CRYBG3: variants seen among roughly 807,000 people sequenced by gnomAD.
CRYBG3 encodes the protein very large A-kinase anchor protein.
CRYBG3 carries 127 observed loss-of-function variants against 244.2 expected under a neutral mutation model. The ratio of observed to expected loss-of-function variants is 0.52; its 90% CI spans 0.45 to 0.60. The LOEUF (loss-of-function observed/expected upper bound fraction) is 0.60. CRYBG3 is among the 20% of genes least tolerant of loss of function. The pLI, the probability that CRYBG3 is intolerant of heterozygous loss-of-function variation, is 0.00. For synonymous variants in CRYBG3, 1,132 were observed against 1,195.8 expected (o/e 0.95, Z 1.10); for missense variants, 3,325 against 3,442.5 (o/e 0.97, Z 0.85).
At chr3:97,878,083 G>A in intron 4 of CRYBG3, 46 bp downstream of exon 4, 1 of 1,481,726 alleles carries the variant, frequency 6.7e-7, no homozygotes, top group African/African-American at 1.4e-5. Context: ...TTAAAGCTTT[G>A]GGTCACGAAA....
intron 3 of CRYBG3, among the ~76,000 whole-genome samples, chr3:97,865,688 C>G: frequency 1.3e-5 from 2 of 152,114 alleles, no homozygotes; most frequent in Non-Finnish European, 2.9e-5. Flanking sequence ...GAAATATACT[C>G]TCTTATATGT....
At chr3:97,933,968 T>C in intron 18 of CRYBG3, 135 bp downstream of exon 18, 1 of 602,100 alleles carries the variant, frequency 1.7e-6, no homozygotes, top group Non-Finnish European at 2.9e-6. Context: ...AGAGAAGGGC[T>C]ACCATATGGT....
chr3:97,909,033 C>A (rs965662800), intron 15 of CRYBG3, among the ~76,000 whole-genome samples: 1 of 152,100 alleles, frequency 6.6e-6, no homozygotes, highest in Non-Finnish European at 1.5e-5. Flanking sequence ...ATATGAAATT[C>A]TGGGTTGAAA....
At chr3:97,830,941 C>A (rs1218851432) in intron 1 of CRYBG3, among the ~76,000 whole-genome samples, 11 of 152,230 alleles carry the variant, frequency 7.2e-5, no homozygotes, top group African/African-American at 2.2e-4. Flanking sequence ...ATTCCAGAGT[C>A]TGGAGGCTTC....
chr3:97,915,069 G>A (rs2039912604), intron 16 of CRYBG3, among the ~76,000 whole-genome samples: 2 of 152,136 alleles, frequency 1.3e-5, no homozygotes, highest in African/African-American at 2.4e-5. Flanking sequence ...ATATACTCTT[G>A]TGTGATTTTT....
chr3:97,864,027 G>A (rs182109905), intron 2 of CRYBG3, among the ~76,000 whole-genome samples, 190 bp from the exon 3 acceptor site: 117 of 152,210 alleles, frequency 7.7e-4, no homozygotes, highest in African/African-American at 2.6e-3. Context: ...GACATTTACC[G>A]TATAGCTTTT....
chr3:97,847,328 T>A (rs1434352946), intron 2 of CRYBG3, among the ~76,000 whole-genome samples: 1 of 152,246 alleles, frequency 6.6e-6, no homozygotes, highest in African/African-American at 2.4e-5. Context: ...TAGAGTATTT[T>A]GTTCAAAAGG....
chr3:97,930,705 C>T (rs114986646), intron 17 of CRYBG3, among the ~76,000 whole-genome samples: 1,633 of 152,166 alleles, frequency 0.011, 28 homozygotes, highest in African/African-American at 0.038. Context: ...AATTCCATCC[C>T]TTGATCACAC....
chr3:97,886,221 C>T (rs1031038633), intron 7 of CRYBG3, among the ~76,000 whole-genome samples: 3 of 152,018 alleles, frequency 2.0e-5, no homozygotes, highest in Non-Finnish European at 2.9e-5. Context: ...TTTATATCCC[C>T]GATGAGATCA....
chr3:97,888,495 C>T (rs1017733182), intron 9 of CRYBG3, 40 bp downstream of exon 9: 2 of 1,270,860 alleles, frequency 1.6e-6, no homozygotes, highest in African/African-American at 2.9e-5. Context: ...TTCCCAAGTA[C>T]CCATGAATCC....
intron 18 of CRYBG3, among the ~76,000 whole-genome samples, chr3:97,935,790 C>A (rs2040157842): frequency 6.6e-6 from 1 of 152,060 alleles, no homozygotes; most frequent in Non-Finnish European, 1.5e-5. Flanking sequence ...GATAAGCAGA[C>A]TACCTTGCCT....
chr3:97,900,509 A>G (rs1423427644), intron 15 of CRYBG3, 24 bp downstream of exon 15: 14 of 1,410,752 alleles, frequency 9.9e-6, no homozygotes. Context: ...TATTCTTGTA[A>G]TTGTTAAATT....
At chr3:97,823,358 A>T (rs2038533717) in intron 1 of CRYBG3, among the ~76,000 whole-genome samples, 1 of 152,192 alleles carries the variant, frequency 6.6e-6, no homozygotes, top group Admixed American at 6.5e-5. Flanking sequence ...CTTAAAAAAA[A>T]TGGATAGGAA....
intron 10 of CRYBG3, among the ~76,000 whole-genome samples, chr3:97,891,898 A>G (rs1559735002): frequency 1.3e-5 from 2 of 152,322 alleles, no homozygotes; most frequent in South Asian, 2.1e-4. Context: ...AAACACTTTC[A>G]TAATAAACAG....
chr3:97,931,638 A>G (rs147992484), intron 17 of CRYBG3, among the ~76,000 whole-genome samples: 15 of 152,158 alleles, frequency 9.9e-5, no homozygotes, highest in African/African-American at 3.4e-4. Context: ...CTCAACATTA[A>G]GATATCTGGG....
chr3:97,892,598 A>G (rs1416948900), intron 10 of CRYBG3, among the ~76,000 whole-genome samples: 1 of 151,974 alleles, frequency 6.6e-6, no homozygotes, highest in South Asian at 2.1e-4. Flanking sequence ...TTTTCAAACT[A>G]CTGTTTTGTT....
chr3:97,864,163 T>G, intron 2 of CRYBG3, 54 bp from the exon 3 acceptor site: 1 of 1,314,576 alleles, frequency 7.6e-7, no homozygotes, highest in Non-Finnish European at 1.0e-6. Context: ...AGCTTATCAG[T>G]CTGTTTCATT....
chr3:97,912,006 G>A (rs903650735), intron 15 of CRYBG3, among the ~76,000 whole-genome samples, 161 bp from the exon 16 acceptor site: 10 of 152,106 alleles, frequency 6.6e-5, no homozygotes, highest in African/African-American at 2.2e-4. Flanking sequence ...AGTTTAAGGA[G>A]CATATCATTA....
chr3:97,898,137 G>A (rs1267452819), intron 12 of CRYBG3, among the ~76,000 whole-genome samples: 2 of 151,562 alleles, frequency 1.3e-5, no homozygotes, highest in African/African-American at 2.4e-5. Context: ...GGAGAATGGC[G>A]GAAACCTGGG....
Sources: allele counts gnomAD v4.1 joint callset (sites outside exome capture counted in the v4.1 genomes callset), GRCh38; gene constraint gnomAD v4.1.1; transcripts MANE v1.5; gene names NCBI Gene and HGNC (gene_info 2026-07-23, HGNC 2026-07-21).